Variants in MARK1 observed in about 807,000 individuals in gnomAD.
The protein encoded by MARK1 is serine/threonine-protein kinase MARK1.
A neutral mutation model predicts 96.3 loss-of-function variants in MARK1; 40 were observed. That is an observed-to-expected ratio of 0.42 (90% confidence interval 0.32 to 0.54). MARK1 has a LOEUF of 0.54. Among genes scored for constraint, MARK1 ranks in the 20% least tolerant of loss-of-function variants. The probability of loss-of-function intolerance (pLI) is 0.16; values close to 1 mark genes in which losing one functional copy is unlikely to be tolerated. For synonymous variants in MARK1, 317 were observed against 341.2 expected (o/e 0.93, Z 0.78); for missense variants, 719 against 984.6 (o/e 0.73, Z 3.61).
chr1:220,639,353 A>C (rs574551785), intron 13 of MARK1, among the ~76,000 whole-genome samples: 43 of 152,338 alleles, frequency 2.8e-4, no homozygotes, highest in African/African-American at 9.4e-4. Context: ...AAATGAGATC[A>C]TACTATGTAA....
intron 3 of MARK1, among the ~76,000 whole-genome samples, chr1:220,582,962 T>C (rs780319931): frequency 3.9e-5 from 6 of 152,214 alleles, no homozygotes; most frequent in Non-Finnish European, 5.9e-5. Context: ...AGATTTGCTT[T>C]CTTTTAGAAG....
intron 1 of MARK1, among the ~76,000 whole-genome samples, chr1:220,543,877 G>A (rs1661310755): frequency 6.6e-6 from 1 of 152,132 alleles, no homozygotes; most frequent in Non-Finnish European, 1.5e-5. Context: ...AACCCTTAGG[G>A]AATTCTTACA....
At chr1:220,580,485 A>AT (rs1664162025) in intron 2 of MARK1, among the ~76,000 whole-genome samples, 1 of 152,082 alleles carries the variant, frequency 6.6e-6, no homozygotes, top group South Asian at 2.1e-4. Flanking sequence ...CAAAAAAAAA[A>AT]CAAAAACTCA....
At chr1:220,550,766 A>G (rs957073445) in intron 1 of MARK1, among the ~76,000 whole-genome samples, 1 of 152,254 alleles carries the variant, frequency 6.6e-6, no homozygotes, top group Non-Finnish European at 1.5e-5. Context: ...GGTTTACATA[A>G]TAGTGACTTA....
chr1:220,611,091 A>G (rs1215948514), intron 6 of MARK1, among the ~76,000 whole-genome samples: 1 of 152,134 alleles, frequency 6.6e-6, no homozygotes, highest in Non-Finnish European at 1.5e-5. Flanking sequence ...TGCTGGGAGA[A>G]CCACTGCTCT....
intron 13 of MARK1, among the ~76,000 whole-genome samples, chr1:220,636,610 A>G: frequency 6.6e-6 from 1 of 152,166 alleles, no homozygotes; most frequent in East Asian, 1.9e-4. Flanking sequence ...ATAACAAAAA[A>G]TAAAGAGGGA....
In MARK1 at chr1:220,618,304, T is replaced by C. The variant is rs1480141395; in HGVS notation, c.553-6T>C. ...TACATTGTTCTTTCTATTATTTTCC[T>C]CTTAGGCTGAAAACCTTCTCCTTGA... On this transcript the variant is annotated splice_region_variant and splice_polypyrimidine_tract_variant and intron_variant, in intron 7 of 17. Transcript: ENST00000366917. The surrounding 1 kb of genome is among the most constrained non-coding windows in gnomAD (Gnocchi z 4.6). The C allele has an allele frequency of 2.6e-6, 4 of 1,543,234 alleles. No homozygotes were observed. The highest frequency in any genetic ancestry group is 3.6e-6 in the Non-Finnish European group (4 of 1,116,022).
intron 6 of MARK1, among the ~76,000 whole-genome samples, chr1:220,614,362 A>G (rs1387101708): frequency 6.6e-6 from 1 of 151,964 alleles, no homozygotes; most frequent in Admixed American, 6.6e-5. Flanking sequence ...CCCCATCCCC[A>G]GATCTCCACA....
At chr1:220,569,790 C>T (rs1377555777) in intron 1 of MARK1, among the ~76,000 whole-genome samples, 1 of 151,956 alleles carries the variant, frequency 6.6e-6, no homozygotes, top group Non-Finnish European at 1.5e-5. Context: ...TTTCTTCTGT[C>T]TTTTATTGTT....
At chr1:220,535,341 C>G (rs1660613329) in intron 1 of MARK1, among the ~76,000 whole-genome samples, 1 of 152,042 alleles carries the variant, frequency 6.6e-6, no homozygotes, top group Non-Finnish European at 1.5e-5. Flanking sequence ...TGTTCACCGT[C>G]TTTTTATGTA....
chr1:220,659,020 T>C (rs1053077497), intron 17 of MARK1, among the ~76,000 whole-genome samples: 1 of 152,182 alleles, frequency 6.6e-6, no homozygotes, highest in Non-Finnish European at 1.5e-5. Flanking sequence ...TCTGAGACAT[T>C]TAGTAGTGTG....
chr1:220,619,408 C>T (rs975025547), intron 9 of MARK1, among the ~76,000 whole-genome samples: 4 of 151,932 alleles, frequency 2.6e-5, no homozygotes, highest in Non-Finnish European at 5.9e-5. Flanking sequence ...TGGGAGGCGG[C>T]GCTTGCAGTG....
At chr1:220,548,758 A>C (rs1661667998) in intron 1 of MARK1, among the ~76,000 whole-genome samples, 2 of 151,972 alleles carry the variant, frequency 1.3e-5, no homozygotes, top group African/African-American at 4.8e-5. Context: ...CCCATCTCAG[A>C]AAAAAAATAT....
At chr1:220,648,891 A>G (rs1386604618) in intron 13 of MARK1, among the ~76,000 whole-genome samples, 1 of 152,160 alleles carries the variant, frequency 6.6e-6, no homozygotes, top group Non-Finnish European at 1.5e-5. Context: ...TAGATTTCAA[A>G]TTTCCAGTTA....
At position 220,653,279 on chromosome 1, in the gene MARK1, G is replaced by C; in HGVS notation, c.1915G>C (p.Gly639Arg). The C allele has an allele frequency of 1.9e-6, 3 of 1,614,174 alleles. No individual in the cohort carries two copies. The highest frequency in any genetic ancestry group is 1.3e-5 in the African/African-American group (1 of 75,024). Residue 639 changes from glycine (G) to arginine (R), a missense_variant, in exon 16 of 18, where the codon GGT becomes CGT. Around this residue, in one of 4 missense-constraint regions of MARK1, gnomAD observed 501 missense variants for 588.3 expected, o/e 0.85. Transcript: ENST00000366917. Reference sequence around the variant, plus strand: ...ACCTGCTTCACCATCCCATGAAACGGGTGCATTTGCACATGCCAGAAGGGG... The same window carrying C: ...ACCTGCTTCACCATCCCATGAAACGCGTGCATTTGCACATGCCAGAAGGGG... Reference protein sequence around the residue: ...GPPASPSHETGAFAHARRGTS... With the variant: ...GPPASPSHETRAFAHARRGTS...
chr1:220,643,841 T>A (rs1379569453), intron 13 of MARK1, among the ~76,000 whole-genome samples: 1 of 152,098 alleles, frequency 6.6e-6, no homozygotes, highest in Non-Finnish European at 1.5e-5. Context: ...AATGAAGAAG[T>A]AAAATCCTTT....
chr1:220,538,234 C>T (rs546143262), intron 1 of MARK1, among the ~76,000 whole-genome samples: 16 of 152,070 alleles, frequency 1.1e-4, no homozygotes, highest in Admixed American at 7.2e-4. Context: ...GTCTTTAATC[C>T]ATCTTGAATT....
intron 6 of MARK1, among the ~76,000 whole-genome samples, chr1:220,611,444 G>C (rs1299244446): frequency 6.6e-6 from 1 of 152,186 alleles, no homozygotes; most frequent in Non-Finnish European, 1.5e-5. Context: ...CGTAGTATTT[G>C]GGTGGGGAGT....
chr1:220,639,657 A>C (rs931019025), intron 13 of MARK1, among the ~76,000 whole-genome samples: 1 of 152,180 alleles, frequency 6.6e-6, no homozygotes. Context: ...TCCTCAGTCC[A>C]TGACACAGTC....
Sources: gnomAD v4.1 joint callset for allele counts (sites outside exome capture counted in the v4.1 genomes callset) on GRCh38, gnomAD v4.1.1 for gene constraint, gnomAD v4.1.1 regional missense constraint, Gnocchi (gnomAD v3.1) non-coding constraint, MANE v1.5 for transcripts, NCBI Gene and HGNC (gene_info 2026-07-23, HGNC 2026-07-21) for gene names.